Variants in POU2F2 observed in about 807,000 individuals in gnomAD.
POU2F2 encodes the protein POU domain, class 2, transcription factor 2.
Under a neutral mutation model 63.5 loss-of-function variants are expected in POU2F2, and 14 were observed. The ratio of observed to expected loss-of-function variants is 0.22; its 90% CI spans 0.15 to 0.34. The LOEUF (loss-of-function observed/expected upper bound fraction) is 0.34, where lower values mean the gene tolerates loss of function less well. Ranked by LOEUF, POU2F2 falls within the 10% of genes least tolerant of loss-of-function variation. The pLI, the probability that POU2F2 is intolerant of heterozygous loss-of-function variation, is 1.00. For missense variants in POU2F2, 607 were observed against 815.2 expected (o/e 0.74, Z 3.11); for synonymous variants, 306 against 348.6 (o/e 0.88, Z 1.36).
intron 1 of POU2F2, among the ~76,000 whole-genome samples, chr19:42,125,668 C>T (rs2033133271): frequency 6.6e-6 from 1 of 152,234 alleles, no homozygotes; most frequent in African/African-American, 2.4e-5. Flanking sequence ...AACTGCAGCC[C>T]CAGCCTCCTC....
At chr19:42,138,232 T>C (rs544600534) in intron 2 of POU2F2, among the ~76,000 whole-genome samples, 1 of 152,082 alleles carries the variant, frequency 6.6e-6, no homozygotes, top group Non-Finnish European at 1.5e-5. Flanking sequence ...GAAGCAATAA[T>C]TGGTGATTGG....
chr19:42,100,752 A>AAAAT (rs1157569014), intron 5 of POU2F2, among the ~76,000 whole-genome samples: 3 of 152,026 alleles, frequency 2.0e-5, no homozygotes, highest in Admixed American at 6.6e-5. Flanking sequence ...CTCTGTCTCA[A>AAAAT]AAATAAATAA....
intron 1 of POU2F2, among the ~76,000 whole-genome samples, chr19:42,171,973 G>A (rs532060260): frequency 2.5e-4 from 38 of 152,278 alleles, no homozygotes; most frequent in Admixed American, 7.8e-4. Context: ...TGTGATTGCA[G>A]GCATAATAGC....
Position 42,169,204 on chromosome 19 carries a change from C to T in POU2F2, c.-70+6759G>A, listed in dbSNP as rs139307071. 3.4e-3 allele frequency among the ~76,000 whole-genome samples: 512 copies of T among 152,346 alleles called. 4 individuals carry two copies. Among genetic ancestry groups the T allele is most frequent in the Middle Eastern group, 6.8e-3 (2 of 294 alleles). ...GCTATAACTCAGGGCATGGCCCTTT[C>T]GGTCACCACGTGTGGCCTCCCTGTG... On this transcript the variant is annotated intron_variant, in intron 1 of 6. Coordinates refer to the POU2F2 transcript ENST00000524801. The surrounding 1 kb of genome is among the most constrained non-coding windows in gnomAD (Gnocchi z 4.3).
At chr19:42,132,567 C>G, upstream of POU2F2, 2 of 579,334 alleles carry the variant, frequency 3.5e-6, no homozygotes, top group Non-Finnish European at 5.4e-6. Flanking sequence ...AGACCCGCCC[C>G]GGCAGCCCGG....
rs142614943 is a variant in POU2F2 at position 42,140,194 on chromosome 19, G to C, written c.-8-17618C>G. ...TCTTCCTCAATGAGGCTCTGCCCTT[G>C]GCCCAGGAGTCCCTAGCCCCCTTGC... On this transcript the variant is annotated intron_variant, in intron 2 of 6. Transcript: ENST00000524801. Among the ~76,000 whole-genome samples, 146 of 152,316 alleles carry C rather than the reference G, an allele frequency of 9.6e-4. 1 individual carries two copies. The highest frequency in any genetic ancestry group is 3.9e-3 in the Admixed American group (59 of 15,298).
At chr19:42,107,314 C>A (rs1166793712) in intron 5 of POU2F2, among the ~76,000 whole-genome samples, 1 of 152,038 alleles carries the variant, frequency 6.6e-6, no homozygotes, top group Non-Finnish European at 1.5e-5. Flanking sequence ...GAGATCACAC[C>A]ACTGCACTCC....
chr19:42,142,382 G>A (rs932226078), intron 2 of POU2F2, among the ~76,000 whole-genome samples: 1 of 152,014 alleles, frequency 6.6e-6, no homozygotes, highest in Non-Finnish European at 1.5e-5. Context: ...AGTAGAGATG[G>A]GGTTTCACCG....
chr19:42,135,802 G>A (rs1028695554), upstream of POU2F2, among the ~76,000 whole-genome samples: 10 of 151,794 alleles, frequency 6.6e-5, no homozygotes, highest in African/African-American at 2.4e-4. Flanking sequence ...CCGCCTCCTG[G>A]GTTCAAGCGC....
At chr19:42,130,015 C>T (rs2033560926) in intron 1 of POU2F2, among the ~76,000 whole-genome samples, 1 of 152,178 alleles carries the variant, frequency 6.6e-6, no homozygotes, top group African/African-American at 2.4e-5. Flanking sequence ...AGACATGATG[C>T]CACGGGCATA....
intron 1 of POU2F2, among the ~76,000 whole-genome samples, chr19:42,160,700 T>C (rs1233686722): frequency 6.6e-6 from 1 of 152,232 alleles, no homozygotes; most frequent in African/African-American, 2.4e-5. Flanking sequence ...TAACTGTGTC[T>C]TGAAGCTTTT....
intron 2 of POU2F2, among the ~76,000 whole-genome samples, chr19:42,154,571 G>A (rs1262207599): frequency 6.6e-6 from 1 of 152,104 alleles, no homozygotes; most frequent in African/African-American, 2.4e-5. Flanking sequence ...GCCAGAGGCA[G>A]GGAGAACTAG....
rs1033614400 is a variant in POU2F2 at position 42,090,381 on chromosome 19, T to G, written c.*876A>C. On this transcript the variant is annotated 3_prime_UTR_variant, in exon 15 of 15. Coordinates refer to ENST00000692977, the MANE Select transcript of POU2F2 (RefSeq NM_001394376.1). The surrounding 1 kb of genome is among the most constrained non-coding windows in gnomAD (Gnocchi z 4.4). ...GGAGGGACTTGTGAGAGCTAGAACT[T>G]GGCAAAATGGCCTAGCCCACCCTTC... 5 of 152,372 alleles carry G rather than the reference T, an allele frequency of 3.3e-5. No homozygotes were observed. Among genetic ancestry groups the G allele is most frequent in the Non-Finnish European group, 7.4e-5 (5 of 68,008 alleles). The allele number at this position is 152,372 out of a possible 1,614,324, so 9.4% of individuals were successfully genotyped here.
intron 6 of POU2F2, 29 bp from the exon 7 acceptor site, chr19:42,099,647 T>G (rs1599963913): frequency 3.1e-6 from 5 of 1,605,156 alleles, no homozygotes; most frequent in South Asian, 2.2e-5. Context: ...ATACACAGGG[T>G]GAGGGGGAGG....
At chr19:42,093,802 C>A in intron 12 of POU2F2, 27 bp downstream of exon 12, 1 of 1,593,582 alleles carries the variant, frequency 6.3e-7, no homozygotes, top group Non-Finnish European at 8.6e-7. Flanking sequence ...TCCCAGTCCC[C>A]CCTCACCATT....
Position 42,086,239 on chromosome 19 carries a change from TAAG to T in POU2F2, c.*5015_*5017del, listed in dbSNP as rs2076544726. ...GTACAATGAACAAGCAGATTGGAGT[TAAG>T]AACACTGAAACACTAACCCGCTACC... On this transcript the variant is annotated 3_prime_UTR_variant, in exon 15 of 15. Coordinates refer to ENST00000692977, the MANE Select transcript of POU2F2 (RefSeq NM_001394376.1). 6.6e-6 allele frequency: 1 copy of T among 152,180 alleles called. No homozygotes were observed. The highest frequency in any genetic ancestry group is 2.1e-4 in the South Asian group (1 of 4,800). The allele number at this position is 152,180 out of a possible 1,614,324, so 9.4% of individuals were successfully genotyped here. A position where few individuals can be genotyped will look rare whatever the true frequency, so the allele number is the denominator to read the frequency against.
rs1428592443 is a variant in POU2F2, at chr19:42,122,161, G to A, written c.151C>T (p.Pro51Ser). The A allele has an allele frequency of 6.2e-7, 1 of 1,613,558 alleles. No homozygotes were observed. The highest frequency in any genetic ancestry group is 2.2e-5 in the East Asian group (1 of 44,886). ...NHQNPQNKTS[P>S]FSVSPTGPST... ...GGGCCAGTTGGGGACACGGAGAATG[G>A]GGAGGTCTTATTTTGGGGGTTCTGC... is the stretch of plus-strand genomic sequence containing the variant. The change falls in exon 4 of 15, where the codon CCA (proline) becomes TCA (serine). Residue 51 changes from proline to serine, a missense_variant. This residue lies in a region of POU2F2 where 224 missense variants were observed against 264.3 expected (regional missense o/e 0.85). Transcript: ENST00000692977.
chr19:42,132,558 G>A, upstream of POU2F2: 2 of 681,706 alleles, frequency 2.9e-6, no homozygotes, highest in Non-Finnish European at 4.3e-6. Flanking sequence ...CTGGCCCACA[G>A]ACCCGCCCCG....
intron 5 of POU2F2, among the ~76,000 whole-genome samples, chr19:42,101,631 C>T (rs1363615051): frequency 6.6e-6 from 1 of 152,144 alleles, no homozygotes; most frequent in African/African-American, 2.4e-5. Flanking sequence ...CCTCAAGTCA[C>T]CCAGTTTGTG....
Sources: gnomAD v4.1 joint callset for allele counts (sites outside exome capture counted in the v4.1 genomes callset) on GRCh38, gnomAD v4.1.1 for gene constraint, gnomAD v4.1.1 regional missense constraint, Gnocchi (gnomAD v3.1) non-coding constraint, MANE v1.5 for transcripts, NCBI Gene and HGNC (gene_info 2026-07-23, HGNC 2026-07-21) for gene names.